ZXDC: variants seen among roughly 807,000 people sequenced by gnomAD.
ZXDC encodes the protein zinc finger protein ZXDC.
ZXDC carries 58 observed loss-of-function variants against 63.6 expected under a neutral mutation model. The ratio of observed to expected loss-of-function variants is 0.91; its 90% CI spans 0.74 to 1.13. The LOEUF (loss-of-function observed/expected upper bound fraction) is 1.13. Among genes scored for constraint, ZXDC ranks in the 50% most tolerant of loss-of-function variants. The pLI is 0.00. For missense variants in ZXDC, 1,133 were observed against 1,148.9 expected (o/e 0.99, Z 0.20); for synonymous variants, 561 against 496.1 (o/e 1.13, Z -1.74).
chr3:126,455,624 CA>C (rs1487456571), intron 7 of ZXDC, among the ~76,000 whole-genome samples: 8 of 152,124 alleles, frequency 5.3e-5, no homozygotes, highest in Admixed American at 2.0e-4. Flanking sequence ...AAGGATTGGC[CA>C]CAGCTGGAAG....
chr3:126,467,220 G>C (rs1301213489), intron 4 of ZXDC, among the ~76,000 whole-genome samples: 1 of 152,170 alleles, frequency 6.6e-6, no homozygotes. Flanking sequence ...TCCTGCCGCA[G>C]GAGCTGCCCA....
intron 7 of ZXDC, chr3:126,450,333 A>G (rs1934049422): frequency 2.2e-6 from 1 of 456,730 alleles, no homozygotes; most frequent in South Asian, 1.5e-5. Context: ...AAGAGCAGAC[A>G]GCTCCCACTT....
At chr3:126,441,984 A>C (rs751798629) in intron 7 of ZXDC, 38 bp from the exon 8 acceptor site, 22 of 1,551,594 alleles carry the variant, frequency 1.4e-5, no homozygotes, top group African/African-American at 2.7e-5. Flanking sequence ...CCCAATCTAC[A>C]ATCTACCAGT....
At position 126,441,900 on chromosome 3, in the gene ZXDC, A is replaced by C. The variant is rs1460702105; in HGVS notation, c.2259T>G (p.Ser753Arg). The change falls in exon 8 of 10, where the codon AGT (serine) becomes AGG (arginine). Residue 753 changes from serine to arginine, a missense_variant. Coordinates refer to ENST00000389709, the MANE Select transcript of ZXDC (RefSeq NM_025112.5). Reference sequence around the variant, plus strand: ...TCTGGCTTGCATGGAAATGGGGAGGACTCATTTTGCCTTCTTTTATTTTTC... The same window carrying C: ...TCTGGCTTGCATGGAAATGGGGAGGCCTCATTTTGCCTTCTTTTATTTTTC... Reference protein sequence around the residue: ...TQRKIKEGKMSPPHFHASQNS... With the variant: ...TQRKIKEGKMRPPHFHASQNS... 2 of 1,612,092 alleles carry C rather than the reference A, an allele frequency of 1.2e-6. No individual in the cohort carries two copies. Among genetic ancestry groups the C allele is most frequent in the Non-Finnish European group, 1.7e-6 (2 of 1,179,264 alleles).
chr3:126,460,810 T>A (rs1355646457), intron 6 of ZXDC: 15 of 984,310 alleles, frequency 1.5e-5, no homozygotes, highest in Non-Finnish European at 1.8e-5. Flanking sequence ...GCAAAAGATG[T>A]AACATTTTTT....
intron 5 of ZXDC, among the ~76,000 whole-genome samples, chr3:126,465,132 A>G (rs1934706347): frequency 6.6e-6 from 1 of 152,236 alleles, no homozygotes; most frequent in African/African-American, 2.4e-5. Context: ...GTGAGGACCC[A>G]GTTGGTGACA....
chr3:126,439,217 A>G (rs1422795839), intron 9 of ZXDC, among the ~76,000 whole-genome samples: 1 of 152,278 alleles, frequency 6.6e-6, no homozygotes, highest in Non-Finnish European at 1.5e-5. Context: ...TAGAAATGTG[A>G]TAAGCTATAC....
chr3:126,440,290 C>T (rs1462435985), intron 8 of ZXDC: 5 of 988,774 alleles, frequency 5.1e-6, no homozygotes, highest in African/African-American at 3.5e-5. Context: ...TGGCCATTCA[C>T]ACCCCGAAGC....
At chr3:126,459,930 C>A (rs545893425) in intron 6 of ZXDC, 193 bp from the exon 7 acceptor site, 56 of 985,364 alleles carry the variant, frequency 5.7e-5, no homozygotes, top group Admixed American at 2.5e-4. Flanking sequence ...GGAGCTGGAA[C>A]AATGTATGTG....
At chr3:126,459,950 T>C (rs987004852) in intron 6 of ZXDC, 6 of 985,498 alleles carry the variant, frequency 6.1e-6, no homozygotes, top group Middle Eastern at 5.2e-4. Context: ...GACTTTCTTA[T>C]CCAGAGAAGC....
chr3:126,458,874 G>C (rs1386489121), intron 7 of ZXDC: 18 of 985,428 alleles, frequency 1.8e-5, no homozygotes, highest in Non-Finnish European at 2.2e-5. Flanking sequence ...ATACACTATA[G>C]TGAAACACTG....
chr3:126,441,931 G>A lies in ZXDC; in HGVS notation c.2228C>T (p.Thr743Ile), dbSNP rs377076980. 4 of 1,607,808 alleles carry A rather than the reference G, an allele frequency of 2.5e-6. No individual in the cohort carries two copies. The highest frequency in any genetic ancestry group is 3.4e-6 in the Non-Finnish European group (4 of 1,176,734). Residue 743 changes from threonine to isoleucine, a missense_variant, in exon 8 of 10, where the codon ACT becomes ATT. Transcript: ENST00000389709. ...TTTGCCTTCTTTTATTTTTCTCTGA[G>A]TAGACTGTGAGGCTCCTAAAATGAA... The part of the protein sequence containing the change: ...AGSNAGASQS[T>I]QRKIKEGKMS...
chr3:126,457,913 C>A (rs11716924), intron 7 of ZXDC, among the ~76,000 whole-genome samples: 33,150 of 152,014 alleles, frequency 0.22, 3,770 homozygotes, highest in East Asian at 0.43. Context: ...AGAAAAAAAA[C>A]GAAGGAACCT....
intron 7 of ZXDC, among the ~76,000 whole-genome samples, chr3:126,456,558 G>A (rs812368): frequency 0.61 from 92,568 of 152,122 alleles, 28,713 homozygotes; most frequent in South Asian, 0.74. Context: ...CACTTGAAGC[G>A]TCACACTAGG....
intron 7 of ZXDC, among the ~76,000 whole-genome samples, chr3:126,455,917 G>T (rs961027189): frequency 6.6e-6 from 1 of 151,882 alleles, no homozygotes; most frequent in African/African-American, 2.4e-5. Context: ...GGAGAATGGC[G>T]TGAACCTGGG....
chr3:126,445,724 GC>G (rs1326648804), intron 7 of ZXDC, among the ~76,000 whole-genome samples: 1 of 152,064 alleles, frequency 6.6e-6, no homozygotes, highest in African/African-American at 2.4e-5. Flanking sequence ...AGGGGTCCAG[GC>G]CAACAGCTGT....
intron 7 of ZXDC, among the ~76,000 whole-genome samples, chr3:126,455,916 C>T (rs1024761987): frequency 6.6e-6 from 1 of 151,832 alleles, no homozygotes; most frequent in Non-Finnish European, 1.5e-5. Context: ...AGGAGAATGG[C>T]GTGAACCTGG....
chr3:126,452,235 CTA>C (rs753760566), intron 7 of ZXDC: 40 of 985,334 alleles, frequency 4.1e-5, no homozygotes, highest in Non-Finnish European at 4.7e-5. Context: ...TGCAAATCCT[CTA>C]TGTCATTTTC....
intron 7 of ZXDC, among the ~76,000 whole-genome samples, chr3:126,458,042 G>A (rs11717788): frequency 0.2 from 31,143 of 152,084 alleles, 3,302 homozygotes; most frequent in East Asian, 0.38. Context: ...AAACAGTCAA[G>A]AGATGATGTA....
Sources: allele counts gnomAD v4.1 joint callset (sites outside exome capture counted in the v4.1 genomes callset), GRCh38; gene constraint gnomAD v4.1.1; transcripts MANE v1.5; gene names NCBI Gene and HGNC (gene_info 2026-07-23, HGNC 2026-07-21).